DDX60: variants seen among roughly 807,000 people sequenced by gnomAD.
DDX60 encodes DExD/H-box helicase 60.
A neutral mutation model predicts 212.8 loss-of-function variants in DDX60; 165 were observed. That is an observed-to-expected ratio of 0.78 (90% confidence interval 0.68 to 0.88). The LOEUF (loss-of-function observed/expected upper bound fraction) is 0.88. DDX60 is among the 40% of genes least tolerant of loss of function. The pLI, the probability that DDX60 is intolerant of heterozygous loss-of-function variation, is 0.00. For missense variants in DDX60, 1,905 were observed against 2,003.9 expected (o/e 0.95, Z 0.94); for synonymous variants, 703 against 685.3 (o/e 1.03, Z -0.40).
rs770145532 is a variant in DDX60 at position 168,252,488 on chromosome 4, G to A, written c.3705+21C>T. 1.2e-5 allele frequency: 19 copies of A among 1,611,718 alleles called. No homozygotes were observed. The South Asian group carries it at 1.4e-4, about 12-fold the overall frequency. ...TGACAAATGAAATAGTTTGGAGAAC[G>A]ATCAGGTTGTAAGTGCTGACCTCAG... On this transcript the variant is annotated intron_variant, in intron 27 of 37. Transcript: ENST00000393743.
intron 34 of DDX60, 137 bp from the exon 35 acceptor site, chr4:168,224,522 T>C (rs1733181168): frequency 1.3e-6 from 1 of 790,720 alleles, no homozygotes; most frequent in Admixed American, 2.8e-5. Flanking sequence ...TCGTAAGTTA[T>C]ATCGCATAAG....
intron 13 of DDX60, among the ~76,000 whole-genome samples, chr4:168,282,143 A>G (rs2149526657): frequency 6.6e-6 from 1 of 152,346 alleles, no homozygotes; most frequent in African/African-American, 2.4e-5. Context: ...CAACGATCAC[A>G]CAGTTGGGCT....
At chr4:168,233,000 CA>C (rs1733507842) in intron 33 of DDX60, among the ~76,000 whole-genome samples, 1 of 151,928 alleles carries the variant, frequency 6.6e-6, no homozygotes, top group Non-Finnish European at 1.5e-5. Flanking sequence ...AGAACTCAAA[CA>C]AAGCAGCAAC....
intron 24 of DDX60, 40 bp downstream of exon 24, chr4:168,261,960 A>C: frequency 6.4e-7 from 1 of 1,564,556 alleles, no homozygotes; most frequent in Non-Finnish European, 8.6e-7. Context: ...TCAAGAAAAC[A>C]ACAAAAATAA....
chr4:168,311,442 T>C lies in DDX60; in HGVS notation c.-106-77A>G. 3 of 573,492 alleles carry C rather than the reference T, an allele frequency of 5.2e-6. No individual in the cohort carries two copies. The South Asian group carries it at 8.1e-5, about 15-fold the overall frequency. The allele number at this position is 573,492 out of a possible 1,614,324, so 35.5% of individuals were successfully genotyped here. On this transcript the variant is annotated intron_variant, in intron 1 of 37. Coordinates refer to ENST00000393743, the MANE Select transcript of DDX60 (RefSeq NM_017631.6). The stretch of plus-strand genomic sequence containing the variant: ...TGACTACTATATGTAAAGCAAAATA[T>C]TAGACACAAGGAATACAAGAATGAA...
intron 30 of DDX60, among the ~76,000 whole-genome samples, chr4:168,240,301 A>G (rs1733793638): frequency 6.6e-6 from 1 of 152,158 alleles, no homozygotes; most frequent in Non-Finnish European, 1.5e-5. Context: ...ACTACAAACC[A>G]CTGCTCAAGG....
At chr4:168,220,806 G>A (rs1733025341) in intron 36 of DDX60, 89 bp from the exon 37 acceptor site, 1 of 689,976 alleles carries the variant, frequency 1.4e-6, no homozygotes, top group Non-Finnish European at 2.1e-6. Context: ...ATCAGTAAGA[G>A]GTTGCTTTTG....
chr4:168,232,477 G>C (rs1378164049), intron 33 of DDX60, among the ~76,000 whole-genome samples: 1 of 152,046 alleles, frequency 6.6e-6, no homozygotes. Flanking sequence ...TACGGTTATA[G>C]TCACCAAAAC....
At chr4:168,297,382 G>GAGAGAGAGAGAA (rs1560870698) in intron 6 of DDX60, among the ~76,000 whole-genome samples, 2 of 39,908 alleles carry the variant, frequency 5.0e-5, no homozygotes, top group Non-Finnish European at 8.6e-5. Flanking sequence ...AAGAAAGAAA[G>GAGAGAGAGAGAA]AGAAAGAAAG....
chr4:168,275,942 A>G, intron 15 of DDX60, 73 bp downstream of exon 15: 1 of 1,321,880 alleles, frequency 7.6e-7, no homozygotes. Context: ...GGAAGAGATG[A>G]CTATCTTTGC....
At chr4:168,226,584 C>G (rs550130716) in intron 33 of DDX60, among the ~76,000 whole-genome samples, 1 of 151,940 alleles carries the variant, frequency 6.6e-6, no homozygotes, top group African/African-American at 2.4e-5. Context: ...TGAGATATTT[C>G]GATGCAGGCA....
In DDX60 at chr4:168,311,083, A is replaced by T. The variant is rs1473896762; in HGVS notation, c.5-16T>A. On this transcript the variant is annotated splice_polypyrimidine_tract_variant and intron_variant, in intron 2 of 37. Coordinates refer to ENST00000393743, the MANE Select transcript of DDX60 (RefSeq NM_017631.6). ...ACATTTCTTTCTAAATTTAAAAAAAAAGAGAGAAAGAGAATGGGTTATTTT... is the reference window on the plus strand; with the variant it reads ...ACATTTCTTTCTAAATTTAAAAAAATAGAGAGAAAGAGAATGGGTTATTTT... The T allele has an allele frequency of 6.7e-7, 1 of 1,502,368 alleles. No individual in the cohort carries two copies. Among genetic ancestry groups the T allele is most frequent in the Non-Finnish European group, 9.2e-7 (1 of 1,089,212 alleles). 93.1% of individuals were successfully genotyped at this position (1,502,368 alleles called of 1,614,324 possible).
intron 35 of DDX60, among the ~76,000 whole-genome samples, chr4:168,222,978 G>T (rs892553606): frequency 1.3e-5 from 2 of 152,056 alleles, no homozygotes; most frequent in Non-Finnish European, 2.9e-5. Flanking sequence ...TGAACCTTAA[G>T]GCATAGCACT....
At chr4:168,311,811 A>C (rs967647828) in intron 1 of DDX60, among the ~76,000 whole-genome samples, 5 of 152,164 alleles carry the variant, frequency 3.3e-5, no homozygotes, top group Admixed American at 6.5e-5. Flanking sequence ...AAGGACATGC[A>C]GAGCCTTTGA....
At chr4:168,280,310 G>T (rs201381724) in intron 14 of DDX60, 25 bp downstream of exon 14, 11 of 1,579,830 alleles carry the variant, frequency 7.0e-6, no homozygotes, top group African/African-American at 1.4e-5. Flanking sequence ...CCAACTCACC[G>T]AAATAACAAA....
intron 6 of DDX60, among the ~76,000 whole-genome samples, chr4:168,299,446 C>A (rs906309246): frequency 1.5e-4 from 22 of 149,982 alleles, no homozygotes; most frequent in Non-Finnish European, 2.8e-4. Context: ...ACATAAAAAC[C>A]AAAAAAGTAA....
chr4:168,310,869 T>C (rs1200100962), intron 3 of DDX60, 129 bp downstream of exon 3: 2 of 485,126 alleles, frequency 4.1e-6, no homozygotes, highest in East Asian at 3.3e-5. Context: ...CTCAACTGCA[T>C]AGTTGTTCAG....
At chr4:168,221,301 G>A (rs961884514) in intron 36 of DDX60, among the ~76,000 whole-genome samples, 1 of 152,002 alleles carries the variant, frequency 6.6e-6, no homozygotes, top group African/African-American at 2.4e-5. Flanking sequence ...TTTTGAAAAT[G>A]TTTTTCCTGC....
intron 22 of DDX60, among the ~76,000 whole-genome samples, chr4:168,265,099 T>C (rs1325645097): frequency 6.6e-6 from 1 of 152,024 alleles, no homozygotes; most frequent in African/African-American, 2.4e-5. Flanking sequence ...GGCATGAAAA[T>C]TGGGCCAAAA....
Sources: allele counts gnomAD v4.1 joint callset (sites outside exome capture counted in the v4.1 genomes callset), GRCh38; gene constraint gnomAD v4.1.1; transcripts MANE v1.5; gene names NCBI Gene and HGNC (gene_info 2026-07-23, HGNC 2026-07-21).